The following CDC45 variants were observed in gnomAD, a reference collection of about 807,000 sequenced individuals.
The protein encoded by CDC45 is cell division cycle 45.
A neutral mutation model predicts 77.8 loss-of-function variants in CDC45; 54 were observed. That is an observed-to-expected ratio of 0.69 (90% confidence interval 0.56 to 0.87). CDC45 has a LOEUF of 0.87. CDC45 is among the 40% of genes least tolerant of loss of function. CDC45 has a pLI of 0.00. For missense variants in CDC45, 649 were observed against 721.6 expected (o/e 0.90, Z 1.15); for synonymous variants, 260 against 272.1 (o/e 0.96, Z 0.44).
At chr22:19,486,475 A>G (rs944820512) in intron 5 of CDC45, among the ~76,000 whole-genome samples, 12 of 152,068 alleles carry the variant, frequency 7.9e-5, no homozygotes, top group African/African-American at 2.9e-4. Context: ...TTTTAATGAC[A>G]TTGAAGGCCA....
intron 5 of CDC45, 98 bp downstream of exon 5, chr22:19,484,103 G>A: frequency 1.7e-6 from 2 of 1,189,298 alleles, no homozygotes; most frequent in Non-Finnish European, 1.2e-6. Context: ...ACTGAGGGCA[G>A]TGGGAAGTGG....
intron 17 of CDC45, among the ~76,000 whole-genome samples, chr22:19,517,701 G>A (rs764622613): frequency 3.9e-5 from 6 of 152,130 alleles, no homozygotes; most frequent in Admixed American, 3.3e-4. Context: ...GTGTCCTCAC[G>A]TGGTCTTTCC....
intron 4 of CDC45, 92 bp from the exon 5 acceptor site, chr22:19,483,770 T>C (rs1568912228): frequency 8.2e-6 from 10 of 1,225,538 alleles, no homozygotes; most frequent in Non-Finnish European, 1.2e-5. Flanking sequence ...TGAGTCAGCT[T>C]ATTAGGAAAT....
Position 19,482,818 on chromosome 22 carries a change from C to T in CDC45, c.333C>T (p.Asn111=), listed in dbSNP as rs748749078. ...CAGTCAATGTCGTCAATGTATACAA[C>T]GATACCCAGGTACTTTTTGTGCTAT... ...HRPVNVVNVY[N]DTQIKLLIKQ... Residue 111 remains asparagine (N), a synonymous_variant, in exon 4 of 19, where the codon AAC becomes AAT. Coordinates refer to ENST00000263201, the MANE Select transcript of CDC45 (RefSeq NM_003504.5). The T allele has an allele frequency of 5.6e-6, 9 of 1,613,946 alleles. No individual in the cohort carries two copies. Among genetic ancestry groups the T allele is most frequent in the East Asian group, 2.2e-5 (1 of 44,882 alleles).
intron 5 of CDC45, among the ~76,000 whole-genome samples, chr22:19,487,912 A>AG (rs2146347069): frequency 7.9e-6 from 1 of 126,806 alleles, no homozygotes; most frequent in African/African-American, 2.7e-5. Flanking sequence ...CTCCGTCTCA[A>AG]AAAAAAAAAA....
At chr22:19,507,538 C>G (rs751165869) in intron 11 of CDC45, 21 bp downstream of exon 11, 3 of 1,613,412 alleles carry the variant, frequency 1.9e-6, no homozygotes, top group Non-Finnish European at 8.5e-7. Flanking sequence ...GCCTGGGCCT[C>G]TGCAGTGCCA....
At chr22:19,510,567 C>T (rs965571362) in intron 13 of CDC45, among the ~76,000 whole-genome samples, 1 of 152,176 alleles carries the variant, frequency 6.6e-6, no homozygotes, top group Non-Finnish European at 1.5e-5. Flanking sequence ...GTCTCACTCT[C>T]GCTCAGGCTG....
At chr22:19,509,616 T>C (rs1933402989) in intron 13 of CDC45, among the ~76,000 whole-genome samples, 1 of 152,236 alleles carries the variant, frequency 6.6e-6, no homozygotes, top group Non-Finnish European at 1.5e-5. Flanking sequence ...ACTTTCATTA[T>C]CCAGAGAGGT....
At chr22:19,507,885 A>G (rs1293221145) in intron 12 of CDC45, 21 bp downstream of exon 12, 3 of 1,431,472 alleles carry the variant, frequency 2.1e-6, no homozygotes, top group Non-Finnish European at 2.9e-6. Flanking sequence ...ATTTTTCTGG[A>G]TTTATCTTCA....
At position 19,514,740 on chromosome 22, in the gene CDC45, C is replaced by A; in HGVS notation, c.1218-9C>A. Reference sequence around the variant, plus strand: ...GCACCACCAAAGCCATGTGTCTGCCCTGTTACAGGAGTAACCTGGACAAGC... The same window carrying A: ...GCACCACCAAAGCCATGTGTCTGCCATGTTACAGGAGTAACCTGGACAAGC... On this transcript the variant is annotated splice_polypyrimidine_tract_variant and intron_variant, in intron 13 of 18. Transcript: ENST00000263201. 6.3e-7 allele frequency: 1 copy of A among 1,596,958 alleles called. No individual in the cohort carries two copies. The highest frequency in any genetic ancestry group is 1.1e-5 in the South Asian group (1 of 87,906).
intron 13 of CDC45, among the ~76,000 whole-genome samples, chr22:19,513,265 C>T (rs1933611670): frequency 6.6e-6 from 1 of 152,164 alleles, no homozygotes; most frequent in Non-Finnish European, 1.5e-5. Flanking sequence ...GTTTTCAAGA[C>T]TGATAACAAT....
At position 19,499,167 on chromosome 22, in the gene CDC45, C is replaced by G; in HGVS notation, c.704+16C>G. The G allele has an allele frequency of 6.2e-7, 1 of 1,613,768 alleles. No individual in the cohort carries two copies. The highest frequency in any genetic ancestry group is 1.1e-5 in the South Asian group (1 of 91,066). The stretch of plus-strand genomic sequence containing the variant: ...AGATCACTCAGTAAGGACACACTCC[C>G]TTGCCTTGCAGGGTCAGCCCTGTGC... On this transcript the variant is annotated intron_variant, in intron 9 of 18. Coordinates refer to ENST00000263201, the MANE Select transcript of CDC45 (RefSeq NM_003504.5).
At position 19,518,287 on chromosome 22, in the gene CDC45, G is replaced by A. The variant is rs13447286; in HGVS notation, c.1637-557G>A. Among the ~76,000 whole-genome samples, 350 of 152,316 alleles carry A rather than the reference G, an allele frequency of 2.3e-3. 2 individuals are homozygous for A. The highest frequency in any genetic ancestry group is 8.1e-3 in the African/African-American group (337 of 41,574). ...TGCGTGGGCTGGGTCTGGGGCTCTCGGGGCTGTGGCTGGCAGCATAGATGG... is the reference window on the plus strand; with the variant it reads ...TGCGTGGGCTGGGTCTGGGGCTCTCAGGGCTGTGGCTGGCAGCATAGATGG... On this transcript the variant is annotated intron_variant, in intron 17 of 18. Transcript: ENST00000263201.
chr22:19,492,991 G>A (rs1174900675), intron 5 of CDC45, among the ~76,000 whole-genome samples: 1 of 152,190 alleles, frequency 6.6e-6, no homozygotes, highest in Non-Finnish European at 1.5e-5. Flanking sequence ...CAACCAGCAG[G>A]GGTTGCAGTC....
intron 9 of CDC45, among the ~76,000 whole-genome samples, chr22:19,500,290 G>A (rs936238411): frequency 1.3e-5 from 2 of 152,094 alleles, no homozygotes; most frequent in African/African-American, 4.8e-5. Context: ...GGCACTTCCT[G>A]TACAGGATCT....
intron 9 of CDC45, chr22:19,505,038 G>T: frequency 2.9e-6 from 1 of 342,084 alleles, no homozygotes; most frequent in East Asian, 6.4e-5. Context: ...CACCCACTCT[G>T]CTGTGGATCC....
In CDC45 at chr22:19,497,284, G is replaced by A. The variant is rs1214910899; in HGVS notation, c.592-102G>A. On this transcript the variant is annotated intron_variant, in intron 7 of 18. Transcript: ENST00000263201. ...GGCCAGGTAGACCCTCCATCCGCAG[G>A]GGTTTGCCAGGGCCCTTCTGGCTCA... 4.0e-6 allele frequency: 4 copies of A among 998,474 alleles called. No individual in the cohort carries two copies. In the African/African-American group the frequency reaches 6.3e-5, roughly 16 times the overall value. The allele number at this position is 998,474 out of a possible 1,614,324, so 61.9% of individuals were successfully genotyped here.
intron 10 of CDC45, among the ~76,000 whole-genome samples, chr22:19,506,115 T>C (rs916090911): frequency 6.6e-6 from 1 of 152,146 alleles, no homozygotes; most frequent in Non-Finnish European, 1.5e-5. Context: ...GGCCACACAA[T>C]AGTGGCTTGG....
chr22:19,505,431 TGAG>T lies in CDC45; in HGVS notation c.778_780del (p.Glu260del), dbSNP rs1246999757. The T allele has an allele frequency of 1.9e-6, 3 of 1,613,988 alleles. No individual in the cohort carries two copies. The highest frequency in any genetic ancestry group is 1.3e-5 in the African/African-American group (1 of 75,036). The stretch of plus-strand genomic sequence containing the variant: ...CCCGCCACAACCACCGGAACGAGGA[TGAG>T]GAGAACACACTCTCCGTGGACTGCA... On this transcript the variant is annotated inframe_deletion, in exon 10 of 19. Transcript: ENST00000263201.
Sources: gnomAD v4.1 joint callset for allele counts (sites outside exome capture counted in the v4.1 genomes callset) on GRCh38, gnomAD v4.1.1 for gene constraint, MANE v1.5 for transcripts, NCBI Gene and HGNC (gene_info 2026-07-23, HGNC 2026-07-21) for gene names.